Variants in ENPP6 observed in about 807,000 individuals in gnomAD.
ENPP6 encodes ectonucleotide pyrophosphatase/phosphodiesterase 6.
ENPP6 carries 32 observed loss-of-function variants against 42.0 expected under a neutral mutation model. The observed-to-expected ratio is 0.76, with a 90% confidence interval of 0.58 to 1.02. The LOEUF (loss-of-function observed/expected upper bound fraction) is 1.02, where lower values mean the gene tolerates loss of function less well. ENPP6 is among the 50% of genes least tolerant of loss of function. ENPP6 has a pLI of 0.00. For synonymous variants in ENPP6, 213 were observed against 216.0 expected, an observed-to-expected ratio of 0.99 and a Z score of 0.12; for missense variants, 552 against 566.8, an observed-to-expected ratio of 0.97 and a Z score of 0.27.
Position 184,207,378 on chromosome 4 carries a change from C to T in ENPP6, c.241+10201G>A, listed in dbSNP as rs537730613. Reference sequence around the variant, plus strand: ...TGCCTCAAAACAGATGCAGCATTTCCCTCTTACCCATGACCTGGATTGAAC... The same window carrying T: ...TGCCTCAAAACAGATGCAGCATTTCTCTCTTACCCATGACCTGGATTGAAC... On this transcript the variant is annotated intron_variant, in intron 1 of 7. Coordinates refer to ENST00000296741, the MANE Select transcript of ENPP6 (RefSeq NM_153343.4). Among the ~76,000 whole-genome samples the T allele has an allele frequency of 7.9e-5, 12 of 152,312 alleles. No individual in the cohort carries two copies. The East Asian group carries it at 2.3e-3, about 29-fold the overall frequency.
At chr4:184,142,451 G>A (rs1407853133) in intron 2 of ENPP6, among the ~76,000 whole-genome samples, 1 of 152,240 alleles carries the variant, frequency 6.6e-6, no homozygotes, top group Non-Finnish European at 1.5e-5. Context: ...TTGGGGGAAA[G>A]CATGGCCTTT....
rs886652441 is a variant in ENPP6 at position 184,117,650 on chromosome 4, A to G, written c.675+109T>C. Reference sequence around the variant, plus strand: ...GACTCGTCAAAGCCTGTGCTGGCCCAATTGGCCTTTAGCAGTAAGAGGGAA... The same window carrying G: ...GACTCGTCAAAGCCTGTGCTGGCCCGATTGGCCTTTAGCAGTAAGAGGGAA... On this transcript the variant is annotated intron_variant, in intron 4 of 7. Transcript: ENST00000296741. 6.0e-6 allele frequency: 9 copies of G among 1,510,474 alleles called. No individual in the cohort carries two copies. In the East Asian group the frequency reaches 1.8e-4, roughly 31 times the overall value. The allele number at this position is 1,510,474 out of a possible 1,614,324, so 93.6% of individuals were successfully genotyped here.
In ENPP6 at chr4:184,217,846, C is replaced by G; in HGVS notation, c.-27G>C. 1 of 1,607,642 alleles carries G rather than the reference C, an allele frequency of 6.2e-7. No homozygotes were observed. The stretch of plus-strand genomic sequence containing the variant: ...CTGCCAGGAGCCTGCCAGAGCCCGG[C>G]TGGCACAGCTGTCGCCTTGCAAAGA... On this transcript the variant is annotated 5_prime_UTR_variant, in exon 1 of 8. Transcript: ENST00000296741.
intron 1 of ENPP6, among the ~76,000 whole-genome samples, chr4:184,171,622 C>T (rs1460575315): frequency 6.6e-6 from 1 of 152,208 alleles, no homozygotes; most frequent in African/African-American, 2.4e-5. Flanking sequence ...AGTTGACATA[C>T]ATTTGTCACA....
chr4:184,208,608 G>C (rs1482620414), intron 1 of ENPP6, among the ~76,000 whole-genome samples: 1 of 151,268 alleles, frequency 6.6e-6, no homozygotes, highest in Non-Finnish European at 1.5e-5. Flanking sequence ...GAGTCTCGCT[G>C]ATTGCTAGCA....
intron 2 of ENPP6, among the ~76,000 whole-genome samples, chr4:184,144,511 C>T (rs1579633293): frequency 6.6e-6 from 1 of 152,224 alleles, no homozygotes; most frequent in Admixed American, 6.5e-5. Context: ...GGATCGGGGG[C>T]AGCCTTTCCC....
intron 1 of ENPP6, among the ~76,000 whole-genome samples, chr4:184,163,739 T>A (rs932767039): frequency 6.6e-6 from 1 of 152,256 alleles, no homozygotes; most frequent in African/African-American, 2.4e-5. Flanking sequence ...AAGGCATTCA[T>A]TTTATTTCTC....
At chr4:184,127,784 C>A (rs147505412) in intron 2 of ENPP6, among the ~76,000 whole-genome samples, 5 of 152,092 alleles carry the variant, frequency 3.3e-5, no homozygotes, top group Non-Finnish European at 5.9e-5. Context: ...AATCGTTAAG[C>A]CTAAGTGATA....
chr4:184,193,587 C>G (rs376431047), intron 1 of ENPP6, among the ~76,000 whole-genome samples: 36 of 152,290 alleles, frequency 2.4e-4, no homozygotes, highest in African/African-American at 7.7e-4. Flanking sequence ...CTAAAAATAA[C>G]TGGGTTGTAC....
chr4:184,164,473 C>T (rs1043277271), intron 1 of ENPP6, among the ~76,000 whole-genome samples: 6 of 152,024 alleles, frequency 3.9e-5, no homozygotes, highest in South Asian at 2.1e-4. Flanking sequence ...CTTATAAAAA[C>T]GGGAAATGTG....
chr4:184,212,116 AC>A (rs1433031196), intron 1 of ENPP6, among the ~76,000 whole-genome samples: 1 of 151,934 alleles, frequency 6.6e-6, no homozygotes, highest in East Asian at 1.9e-4. Flanking sequence ...TCAATGACAA[AC>A]CCACAGCCAA....
chr4:184,124,834 G>A (rs917128392), intron 2 of ENPP6, among the ~76,000 whole-genome samples: 4 of 152,148 alleles, frequency 2.6e-5, no homozygotes, highest in African/African-American at 9.7e-5. Context: ...CCCTTGCCTG[G>A]CCCAAAACAG....
At chr4:184,109,578 T>A (rs947408781) in intron 6 of ENPP6, among the ~76,000 whole-genome samples, 2 of 152,220 alleles carry the variant, frequency 1.3e-5, no homozygotes, top group African/African-American at 4.8e-5. Context: ...GCAACCCTCA[T>A]CTTTCAGAGC....
At position 184,131,259 on chromosome 4, in the gene ENPP6, T is replaced by TTTCTCTTCCTTCCTTC. The variant is rs1553996065; in HGVS notation, c.422-6988_422-6987insGAAGGAAGGAAGAGAA. ...CCTTTTCTTTCTTTCTTTCTCTTTC[T>TTTCTCTTCCTTCCTTC]CTTCCTTCCTTCCTTCCTTCCTTCC... is the stretch of plus-strand genomic sequence containing the variant. On this transcript the variant is annotated intron_variant, in intron 2 of 7. Coordinates refer to ENST00000296741, the MANE Select transcript of ENPP6 (RefSeq NM_153343.4). Among the ~76,000 whole-genome samples, 115 of 73,346 alleles carry TTTCTCTTCCTTCCTTC rather than the reference T, an allele frequency of 1.6e-3. 13 individuals carry two copies. The highest frequency in any genetic ancestry group is 6.0e-3 in the African/African-American group (109 of 18,318). The allele number at this position is 73,346 out of a possible 152,430, so 48.1% of individuals were successfully genotyped here.
At chr4:184,201,315 G>A (rs1732900225) in intron 1 of ENPP6, among the ~76,000 whole-genome samples, 1 of 152,128 alleles carries the variant, frequency 6.6e-6, no homozygotes, top group African/African-American at 2.4e-5. Flanking sequence ...CAGCACTCAT[G>A]CTGAGCAGGA....
rs555793112 is a variant in ENPP6, at chr4:184,155,331, C to T, written c.242-1598G>A. ...ATTCTGTGTCACAAATTGTATTATC[C>T]TAATGATGCTTACTCATCCTTTCAC... On this transcript the variant is annotated intron_variant, in intron 1 of 7. Transcript: ENST00000296741. Among the ~76,000 whole-genome samples the T allele has an allele frequency of 2.6e-4, 40 of 152,242 alleles. 1 individual carries two copies. Among genetic ancestry groups the T allele is most frequent in the African/African-American group, 8.9e-4 (37 of 41,542 alleles).
At chr4:184,128,373 G>A (rs181469971) in intron 2 of ENPP6, among the ~76,000 whole-genome samples, 8 of 152,146 alleles carry the variant, frequency 5.3e-5, no homozygotes, top group Non-Finnish European at 8.8e-5. Context: ...TAGACACGAG[G>A]TTTCACCATG....
rs116807282 is a variant in ENPP6, at chr4:184,122,025, A to C, written c.533+2136T>G. Among the ~76,000 whole-genome samples, 1,337 of 152,202 alleles carry C rather than the reference A, an allele frequency of 8.8e-3. 24 individuals are homozygous for C. The highest frequency in any genetic ancestry group is 0.031 in the African/African-American group (1,269 of 41,506). ...GCCTATTATTATTCTTTTCTTTCTC[A>C]CATGTCAAGAGCTTCCTAGCTTTAG... On this transcript the variant is annotated intron_variant, in intron 3 of 7. Transcript: ENST00000296741.
intron 1 of ENPP6, among the ~76,000 whole-genome samples, chr4:184,174,898 C>T (rs1167016300): frequency 6.6e-6 from 1 of 152,226 alleles, no homozygotes; most frequent in Non-Finnish European, 1.5e-5. Flanking sequence ...ATTCATGCAT[C>T]TGCTAACCCT....
Sources: allele counts gnomAD v4.1 joint callset (sites outside exome capture counted in the v4.1 genomes callset), GRCh38; gene constraint gnomAD v4.1.1; transcripts MANE v1.5; gene names NCBI Gene and HGNC (gene_info 2026-07-23, HGNC 2026-07-21).